The following USH2A variants were observed in gnomAD, a reference collection of about 807,000 sequenced individuals.
The protein encoded by USH2A is Usher syndrome 2A (autosomal recessive, mild).
Under a neutral mutation model 538.9 loss-of-function variants are expected in USH2A, and 443 were observed. That is an observed-to-expected ratio of 0.82 (90% confidence interval 0.76 to 0.89). The LOEUF is 0.89. USH2A is among the 40% of genes least tolerant of loss of function. USH2A has a pLI of 0.00. For missense variants in USH2A, 6,633 were observed against 6,324.8 expected (o/e 1.05, Z -1.65); for synonymous variants, 2,413 against 2,273.5 (o/e 1.06, Z -1.75).
chr1:215,959,298 C>T (rs1667140691), intron 37 of USH2A, among the ~76,000 whole-genome samples: 1 of 151,852 alleles, frequency 6.6e-6, no homozygotes, highest in African/African-American at 2.4e-5. Context: ...AATTGGGTTT[C>T]TTTTTTTCAG....
Position 216,195,818 on chromosome 1 carries a change from T to C in USH2A, c.4251+735A>G, listed in dbSNP as rs920928740. Reference sequence around the variant, plus strand: ...AACTTGTTCGGTTGACATCCTTCCATCAGCTTCTGCTATTGGCCACCTGGA... The same window carrying C: ...AACTTGTTCGGTTGACATCCTTCCACCAGCTTCTGCTATTGGCCACCTGGA... On this transcript the variant is annotated intron_variant, in intron 19 of 71. Coordinates refer to ENST00000307340, the MANE Select transcript of USH2A (RefSeq NM_206933.4). The C allele has an allele frequency of 1.8e-5, 3 of 167,274 alleles. No homozygotes were observed. In the East Asian group the frequency reaches 5.8e-4, roughly 32 times the overall value. The allele number at this position is 167,274 out of a possible 1,614,324, so 10.4% of individuals were successfully genotyped here.
At chr1:215,659,229 A>G (rs1198037880) in intron 64 of USH2A, among the ~76,000 whole-genome samples, 1 of 152,240 alleles carries the variant, frequency 6.6e-6, no homozygotes, top group Non-Finnish European at 1.5e-5. Context: ...GATGACCATC[A>G]AGCTGGGAAA....
chr1:216,044,047 A>G (rs891098311), intron 32 of USH2A, among the ~76,000 whole-genome samples: 2 of 151,574 alleles, frequency 1.3e-5, no homozygotes, highest in Admixed American at 6.6e-5. Flanking sequence ...TTCCATTCCC[A>G]CTCTGTGATA....
At chr1:216,216,300 C>T (rs891881532) in intron 15 of USH2A, among the ~76,000 whole-genome samples, 5 of 152,138 alleles carry the variant, frequency 3.3e-5, no homozygotes, top group South Asian at 2.1e-4. Flanking sequence ...TGATGAAATG[C>T]GGGATGCTGA....
At chr1:216,331,539 A>G (rs2037863319) in intron 4 of USH2A, among the ~76,000 whole-genome samples, 1 of 152,130 alleles carries the variant, frequency 6.6e-6, no homozygotes, top group Non-Finnish European at 1.5e-5. Flanking sequence ...AACAAATGTC[A>G]CAACAATCAG....
At chr1:216,231,606 T>A (rs1230243404) in intron 14 of USH2A, among the ~76,000 whole-genome samples, 1 of 151,720 alleles carries the variant, frequency 6.6e-6, no homozygotes, top group African/African-American at 2.4e-5. Context: ...TGGAGTACAG[T>A]GGCGCGATCT....
Position 216,236,711 on chromosome 1 carries a change from G to A in USH2A, c.2810-4575C>T, listed in dbSNP as rs115833430. On this transcript the variant is annotated intron_variant, in intron 13 of 71. Transcript: ENST00000307340. The stretch of plus-strand genomic sequence containing the variant: ...GGGAGTCTAGAGAGGAGTGTATATG[G>A]ATCAGACACAATAAATTTAAAATAT... 3.5e-3 allele frequency among the ~76,000 whole-genome samples: 526 copies of A among 152,212 alleles called. 2 individuals are homozygous for A. Among genetic ancestry groups the A allele is most frequent in the African/African-American group, 0.012 (500 of 41,540 alleles).
intron 40 of USH2A, 142 bp from the exon 41 acceptor site, chr1:215,889,196 A>G (rs1327356929): frequency 1.0e-6 from 1 of 1,001,872 alleles, no homozygotes; most frequent in Non-Finnish European, 1.5e-6. Context: ...AATAAGTGCC[A>G]TAAAGACAAG....
At chr1:216,244,256 G>A (rs1302688503) in intron 13 of USH2A, among the ~76,000 whole-genome samples, 1 of 152,150 alleles carries the variant, frequency 6.6e-6, no homozygotes, top group East Asian at 1.9e-4. Context: ...TGTAGCTCCA[G>A]TGAAGTGGCT....
intron 9 of USH2A, among the ~76,000 whole-genome samples, chr1:216,296,367 C>T (rs2037105034): frequency 6.6e-6 from 1 of 151,856 alleles, no homozygotes; most frequent in Non-Finnish European, 1.5e-5. Flanking sequence ...GGTAGTTGTC[C>T]CGCTTCTCAT....
intron 21 of USH2A, chr1:216,173,840 C>G (rs934817437): frequency 5.9e-6 from 3 of 507,706 alleles, no homozygotes; most frequent in Non-Finnish European, 7.6e-6. Context: ...GGAAGAAACA[C>G]ATCTCAAGCC....
At chr1:216,124,293 G>T (rs1221372301) in intron 21 of USH2A, among the ~76,000 whole-genome samples, 1 of 151,988 alleles carries the variant, frequency 6.6e-6, no homozygotes, top group Non-Finnish European at 1.5e-5. Context: ...ATTAGCCAAA[G>T]CACAGAAACC....
intron 32 of USH2A, among the ~76,000 whole-genome samples, chr1:216,032,970 C>T (rs2102513166): frequency 6.6e-6 from 1 of 152,256 alleles, no homozygotes; most frequent in East Asian, 1.9e-4. Context: ...TTAAATCCAC[C>T]CAAATTTCTG....
At chr1:216,191,161 A>C (rs1295026710) in intron 19 of USH2A, among the ~76,000 whole-genome samples, 1 of 152,030 alleles carries the variant, frequency 6.6e-6, no homozygotes, top group Non-Finnish European at 1.5e-5. Context: ...GCCACTAGAA[A>C]TTATATTCAG....
chr1:215,987,865 C>T (rs1021259542), intron 35 of USH2A, among the ~76,000 whole-genome samples: 2 of 152,254 alleles, frequency 1.3e-5, no homozygotes, highest in East Asian at 3.9e-4. Flanking sequence ...CACAACAACT[C>T]AAATAGTATG....
In USH2A at chr1:216,063,548, A is replaced by T. The variant is rs79915343; in HGVS notation, c.6049+6553T>A. 2.2e-4 allele frequency among the ~76,000 whole-genome samples: 33 copies of T among 152,336 alleles called. 1 individual carries two copies. In the East Asian group the frequency reaches 6.2e-3, roughly 28 times the overall value. ...AAAAATCAAAGAATTCATAGTACAC[A>T]TTGGCAAGAAATGTAGTGAAAAAAT... On this transcript the variant is annotated intron_variant, in intron 30 of 71. Transcript: ENST00000307340.
intron 4 of USH2A, among the ~76,000 whole-genome samples, chr1:216,360,886 T>C (rs1273222044): frequency 3.0e-4 from 46 of 152,046 alleles, no homozygotes; most frequent in Admixed American, 2.7e-3. Context: ...AAATGAGTAA[T>C]TTAAATCTCA....
At chr1:216,374,827 C>A (rs1040656544) in intron 3 of USH2A, among the ~76,000 whole-genome samples, 2 of 152,068 alleles carry the variant, frequency 1.3e-5, no homozygotes, top group African/African-American at 4.8e-5. Flanking sequence ...TACTTTATGA[C>A]ACAAGATGTT....
At chr1:216,254,811 CCAGTGCACACCAG>C in intron 11 of USH2A, among the ~76,000 whole-genome samples, 1 of 152,134 alleles carries the variant, frequency 6.6e-6, no homozygotes, top group East Asian at 1.9e-4. Context: ...GTTGGACAAG[CCAGTGCACACCAG>C]CACTGAGCCA....
Sources: gnomAD v4.1 joint callset for allele counts (sites outside exome capture counted in the v4.1 genomes callset) on GRCh38, gnomAD v4.1.1 for gene constraint, MANE v1.5 for transcripts, NCBI Gene and HGNC (gene_info 2026-07-23, HGNC 2026-07-21) for gene names.